Variants in HCN1 observed in about 807,000 individuals in gnomAD.
HCN1 encodes the protein potassium/sodium hyperpolarization-activated cyclic nucleotide-gated channel 1.
Under a neutral mutation model 78.9 loss-of-function variants are expected in HCN1, and 13 were observed. That is an observed-to-expected ratio of 0.16 (90% CI 0.11 to 0.26). HCN1 has a LOEUF of 0.26. Ranked by LOEUF, HCN1 falls within the 10% of genes least tolerant of loss-of-function variation. The pLI, the probability that HCN1 is intolerant of heterozygous loss-of-function variation, is 1.00. For missense variants in HCN1, 810 were observed against 1,154.3 expected (o/e 0.70, Z 4.32); for synonymous variants, 552 against 455.5 (o/e 1.21, Z -2.70).
At chr5:45,455,182 C>T (rs1251182061) in intron 3 of HCN1, among the ~76,000 whole-genome samples, 1 of 151,996 alleles carries the variant, frequency 6.6e-6, no homozygotes, top group Non-Finnish European at 1.5e-5. Flanking sequence ...AGAAAATAGG[C>T]TTGCATGGCT....
chr5:45,428,236 T>C (rs1462041736), intron 3 of HCN1, among the ~76,000 whole-genome samples: 1 of 152,092 alleles, frequency 6.6e-6, no homozygotes, highest in Non-Finnish European at 1.5e-5. Flanking sequence ...AGTCTCACTA[T>C]GAAACAATTG....
intron 2 of HCN1, among the ~76,000 whole-genome samples, chr5:45,548,635 G>A (rs996354638): frequency 2.0e-5 from 3 of 152,130 alleles, no homozygotes; most frequent in Admixed American, 6.6e-5. Flanking sequence ...AGTGTTGGAA[G>A]TTCTGGCCAG....
chr5:45,404,954 G>T (rs1739892771), intron 3 of HCN1, among the ~76,000 whole-genome samples: 1 of 152,010 alleles, frequency 6.6e-6, no homozygotes, highest in African/African-American at 2.4e-5. Context: ...GTATAAACGT[G>T]TTGAAGTAGG....
At chr5:45,497,772 G>A (rs550588437) in intron 2 of HCN1, among the ~76,000 whole-genome samples, 5 of 152,178 alleles carry the variant, frequency 3.3e-5, no homozygotes, top group Non-Finnish European at 5.9e-5. Context: ...CTCTTTTAGG[G>A]CAGGCCTGGT....
At chr5:45,362,154 T>G (rs200222034) in intron 4 of HCN1, among the ~76,000 whole-genome samples, 8 of 142,634 alleles carry the variant, frequency 5.6e-5, no homozygotes, top group South Asian at 2.3e-4. Flanking sequence ...GTGTGTGTGT[T>G]TGTGTGTGTG....
At chr5:45,328,337 T>C in intron 5 of HCN1, among the ~76,000 whole-genome samples, 1 of 151,638 alleles carries the variant, frequency 6.6e-6, no homozygotes, top group East Asian at 1.9e-4. Context: ...TATAATTTTT[T>C]TCTCTCATAT....
intron 2 of HCN1, among the ~76,000 whole-genome samples, chr5:45,508,910 TTCA>T (rs1939866712): frequency 6.6e-6 from 1 of 152,084 alleles, no homozygotes; most frequent in Non-Finnish European, 1.5e-5. Context: ...ACAAATGGTT[TTCA>T]TCATCATTTT....
chr5:45,540,085 T>A (rs1291094998), intron 2 of HCN1, among the ~76,000 whole-genome samples: 1 of 151,602 alleles, frequency 6.6e-6, no homozygotes, highest in African/African-American at 2.4e-5. Flanking sequence ...TTGCAAATAG[T>A]GCTATTTATC....
chr5:45,522,362 G>A (rs1240901518), intron 2 of HCN1, among the ~76,000 whole-genome samples: 1 of 151,954 alleles, frequency 6.6e-6, no homozygotes, highest in Non-Finnish European at 1.5e-5. Flanking sequence ...TGAAAAACTA[G>A]TGTCAGATTT....
chr5:45,292,837 T>C (rs370784842), intron 6 of HCN1, among the ~76,000 whole-genome samples: 5 of 152,062 alleles, frequency 3.3e-5, no homozygotes, highest in African/African-American at 1.2e-4. Flanking sequence ...ACTCATTCTT[T>C]ATAAATGTTC....
intron 2 of HCN1, among the ~76,000 whole-genome samples, chr5:45,589,330 C>A (rs929714037): frequency 6.6e-6 from 1 of 152,116 alleles, no homozygotes; most frequent in Admixed American, 6.6e-5. Context: ...GGCTAGAAAA[C>A]TGGCTGTAAA....
intron 1 of HCN1, among the ~76,000 whole-genome samples, chr5:45,691,709 G>C (rs1264048698): frequency 6.6e-6 from 1 of 152,122 alleles, no homozygotes; most frequent in Non-Finnish European, 1.5e-5. Flanking sequence ...TTAAACCCTA[G>C]AAGGTTGAAT....
intron 2 of HCN1, among the ~76,000 whole-genome samples, chr5:45,465,916 T>C (rs1453651337): frequency 1.3e-5 from 2 of 152,196 alleles, no homozygotes; most frequent in South Asian, 2.1e-4. Context: ...CAAATTCTCA[T>C]TGAACTTTTT....
chr5:45,649,988 C>G (rs1021138776), intron 1 of HCN1, among the ~76,000 whole-genome samples: 3 of 151,964 alleles, frequency 2.0e-5, no homozygotes, highest in Admixed American at 6.6e-5. Flanking sequence ...GAAATATGCT[C>G]TTAGGTTAGA....
At chr5:45,332,782 C>T (rs192675593) in intron 5 of HCN1, among the ~76,000 whole-genome samples, 53 of 151,730 alleles carry the variant, frequency 3.5e-4, no homozygotes, top group African/African-American at 1.3e-3. Flanking sequence ...AGCAGAGTGA[C>T]CTCCTGTTCC....
chr5:45,330,378 G>T (rs1408813737), intron 5 of HCN1, among the ~76,000 whole-genome samples: 3 of 150,906 alleles, frequency 2.0e-5, no homozygotes, highest in Non-Finnish European at 4.5e-5. Flanking sequence ...CCTTATTTTT[G>T]TATGACAAAT....
chr5:45,584,233 T>C (rs1006377580), intron 2 of HCN1, among the ~76,000 whole-genome samples: 37 of 152,182 alleles, frequency 2.4e-4, no homozygotes, highest in African/African-American at 8.2e-4. Flanking sequence ...TGCATATATA[T>C]TTAGGATAGT....
chr5:45,499,562 G>C (rs191839281), intron 2 of HCN1, among the ~76,000 whole-genome samples: 9 of 152,116 alleles, frequency 5.9e-5, no homozygotes, highest in Admixed American at 3.3e-4. Flanking sequence ...CGTCGCTTAC[G>C]CTGGGAGCTG....
chr5:45,306,375 T>C (rs1427784980), intron 5 of HCN1, among the ~76,000 whole-genome samples: 1 of 152,124 alleles, frequency 6.6e-6, no homozygotes, highest in Non-Finnish European at 1.5e-5. Flanking sequence ...TTGTTAATGA[T>C]ACATTGCATA....
Sources: gnomAD v4.1 joint callset for allele counts (sites outside exome capture counted in the v4.1 genomes callset) on GRCh38, gnomAD v4.1.1 for gene constraint, MANE v1.5 for transcripts, NCBI Gene and HGNC (gene_info 2026-07-23, HGNC 2026-07-21) for gene names.